Variants in DACH2 observed in about 807,000 individuals in gnomAD.
DACH2 encodes dachshund family transcription factor 2.
In DACH2, 17 loss-of-function variants were observed where a neutral mutation model predicts 35.8. The ratio of observed to expected loss-of-function variants is 0.48; its 90% CI spans 0.33 to 0.71. The LOEUF is 0.71. DACH2 is among the 30% of genes least tolerant of loss of function. The pLI, the probability that DACH2 is intolerant of heterozygous loss-of-function variation, is 0.02. For synonymous variants in DACH2, 195 were observed against 177.3 expected (o/e 1.10, Z -0.79); for missense variants, 469 against 472.7 (o/e 0.99, Z 0.07).
At chrX:86,580,452 G>A (rs1291301548) in intron 3 of DACH2, among the ~76,000 whole-genome samples, 1 of 111,446 alleles carries the variant, frequency 9.0e-6, no homozygotes, top group Non-Finnish European at 1.9e-5. Flanking sequence ...TGAGATTCAG[G>A]ATAAAATTGA....
intron 2 of DACH2, among the ~76,000 whole-genome samples, chrX:86,475,492 C>T (rs964499997): frequency 1.8e-5 from 2 of 111,918 alleles, no homozygotes; most frequent in East Asian, 2.8e-4. Context: ...AGATTGTTCA[C>T]TGTTGGCATA....
intron 7 of DACH2, among the ~76,000 whole-genome samples, chrX:86,800,502 G>T: frequency 8.9e-6 from 1 of 111,734 alleles, no homozygotes; most frequent in Non-Finnish European, 1.9e-5. Flanking sequence ...GAAAAAGAGT[G>T]TCCATAAGAT....
At chrX:86,705,338 G>A (rs1422512196) in intron 5 of DACH2, among the ~76,000 whole-genome samples, 1 of 109,462 alleles carries the variant, frequency 9.1e-6, no homozygotes, top group Admixed American at 9.9e-5. Context: ...AATGGGTTCA[G>A]TGCATACTTC....
chrX:86,790,360 A>G (rs1427670312), intron 7 of DACH2, among the ~76,000 whole-genome samples: 1 of 111,976 alleles, frequency 8.9e-6, no homozygotes, highest in Non-Finnish European at 1.9e-5. Flanking sequence ...TATTTGTTGT[A>G]TGTAATAAAG....
intron 1 of DACH2, among the ~76,000 whole-genome samples, chrX:86,176,582 T>C (rs779945291): frequency 9.0e-6 from 1 of 111,670 alleles, no homozygotes; most frequent in East Asian, 2.8e-4. Context: ...TGTTAAACAA[T>C]GATTCTTAAT....
intron 3 of DACH2, among the ~76,000 whole-genome samples, chrX:86,642,078 A>G: frequency 1.8e-5 from 2 of 112,122 alleles, no homozygotes; most frequent in East Asian, 2.8e-4. Context: ...AGCTAACAGC[A>G]TAATGACAAT....
intron 2 of DACH2, among the ~76,000 whole-genome samples, chrX:86,463,268 T>C (rs2148212879): frequency 9.5e-6 from 1 of 105,720 alleles, no homozygotes; most frequent in African/African-American, 3.3e-5. Context: ...ATTTAGTTTC[T>C]GCTTGTCCAT....
chrX:86,174,180 T>A (rs1447764106), intron 1 of DACH2, among the ~76,000 whole-genome samples: 2 of 100,388 alleles, frequency 2.0e-5, no homozygotes, highest in Non-Finnish European at 4.0e-5. Context: ...TGGAGTGCAG[T>A]GGCATGATCA....
chrX:86,637,010 CAAA>C (rs376375907), intron 3 of DACH2, among the ~76,000 whole-genome samples: 1 of 29,485 alleles, frequency 3.4e-5, no homozygotes, highest in Non-Finnish European at 6.7e-5. Context: ...AACAAATTTA[CAAA>C]AAAAAAAAAA....
intron 3 of DACH2, among the ~76,000 whole-genome samples, chrX:86,593,395 A>AT (rs1161534230): frequency 1.2e-5 from 1 of 83,126 alleles, no homozygotes; most frequent in Non-Finnish European, 2.1e-5. Context: ...TCATATATAT[A>AT]TTTTTTTATT....
intron 2 of DACH2, among the ~76,000 whole-genome samples, chrX:86,463,609 G>A (rs1296090757): frequency 4.5e-5 from 5 of 111,214 alleles, no homozygotes; most frequent in Admixed American, 1.9e-4. Context: ...CAGGACACAG[G>A]CATGGGCAAA....
At chrX:86,413,973 C>T (rs780222089) in intron 2 of DACH2, among the ~76,000 whole-genome samples, 32 of 111,648 alleles carry the variant, frequency 2.9e-4, no homozygotes, top group African/African-American at 9.4e-4. Context: ...GTCCAAAATG[C>T]CTGATCACTT....
chrX:86,228,295 T>G (rs1457002072), intron 1 of DACH2, among the ~76,000 whole-genome samples: 3 of 111,143 alleles, frequency 2.7e-5, no homozygotes, highest in Admixed American at 1.9e-4. Flanking sequence ...ATGCTGTATA[T>G]GTACATACAT....
chrX:86,568,719 T>C (rs938167262), intron 3 of DACH2, among the ~76,000 whole-genome samples: 32 of 111,514 alleles, frequency 2.9e-4, no homozygotes, highest in Non-Finnish European at 5.7e-5. Flanking sequence ...TGTGTTAGAT[T>C]CCTGATGCAC....
chrX:86,610,986 C>A (rs1390482044), intron 3 of DACH2, among the ~76,000 whole-genome samples: 5 of 110,586 alleles, frequency 4.5e-5, no homozygotes, highest in Non-Finnish European at 9.4e-5. Context: ...CTGAAGGAGT[C>A]TCTCAGTGTA....
intron 1 of DACH2, among the ~76,000 whole-genome samples, chrX:86,367,213 A>G (rs1383154716): frequency 3.7e-5 from 2 of 54,249 alleles, no homozygotes; most frequent in African/African-American, 1.1e-4. Flanking sequence ...AAAGAGATGC[A>G]TAAATTTTAG....
At chrX:86,532,094 C>T (rs1361242429) in intron 3 of DACH2, among the ~76,000 whole-genome samples, 1 of 112,881 alleles carries the variant, frequency 8.9e-6, no homozygotes, top group East Asian at 2.8e-4. Context: ...AACATTCAAG[C>T]CATGCCTGTT....
intron 2 of DACH2, among the ~76,000 whole-genome samples, chrX:86,403,467 A>G (rs766258400): frequency 8.9e-6 from 1 of 112,166 alleles, no homozygotes; most frequent in Non-Finnish European, 1.9e-5. Context: ...CAAAACCACA[A>G]TAAGATACCA....
At position 86,688,655 on chromosome X, in the gene DACH2, T is replaced by C. The variant is rs73508441; in HGVS notation, c.773-6366T>C. 8.5e-4 allele frequency among the ~76,000 whole-genome samples: 95 copies of C among 112,209 alleles called. 1 individual carries two copies. The highest frequency in any genetic ancestry group is 3.0e-3 in the African/African-American group (92 of 30,987). On this transcript the variant is annotated intron_variant, in intron 4 of 11. Coordinates refer to ENST00000373125, the MANE Select transcript of DACH2 (RefSeq NM_053281.3). The stretch of plus-strand genomic sequence containing the variant: ...ACAATTGCATTATGCCACTAACAGA[T>C]ACAGGAAATAAAGGAGCAAGATCTC...
Sources: allele counts gnomAD v4.1 joint callset (sites outside exome capture counted in the v4.1 genomes callset), GRCh38; gene constraint gnomAD v4.1.1; transcripts MANE v1.5; gene names NCBI Gene and HGNC (gene_info 2026-07-23, HGNC 2026-07-21).